The following MS4A5 variants were observed in gnomAD, a reference collection of about 807,000 sequenced individuals.
MS4A5 encodes the protein membrane-spanning 4-domains subfamily A member 5.
Under a neutral mutation model 18.2 loss-of-function variants are expected in MS4A5, and 15 were observed. The observed-to-expected ratio is 0.83, with a 90% CI of 0.55 to 1.27. The LOEUF (loss-of-function observed/expected upper bound fraction) is 1.27. MS4A5 is among the 50% of genes most tolerant of loss of function. The pLI, the probability that MS4A5 is intolerant of heterozygous loss-of-function variation, is 0.00. For missense variants in MS4A5, 232 were observed against 225.7 expected, an observed-to-expected ratio of 1.03 and a Z score of -0.18; for synonymous variants, 89 against 78.7, an observed-to-expected ratio of 1.13 and a Z score of -0.69.
intron 4 of MS4A5, chr11:60,435,317 G>C: frequency 2.7e-6 from 1 of 376,540 alleles, no homozygotes; most frequent in Non-Finnish European, 5.0e-6. Context: ...AATAGAAACA[G>C]AACATAGCAA....
chr11:60,447,272 ATC>A, intron 4 of MS4A5, among the ~76,000 whole-genome samples: 1 of 150,692 alleles, frequency 6.6e-6, no homozygotes, highest in African/African-American at 2.5e-5. Flanking sequence ...ATCCTATGGT[ATC>A]CTATGCTATG....
At chr11:60,429,981 G>A (rs1407307163) in intron 1 of MS4A5, among the ~76,000 whole-genome samples, 154 bp downstream of exon 1, 1 of 152,122 alleles carries the variant, frequency 6.6e-6, no homozygotes, top group Non-Finnish European at 1.5e-5. Context: ...GAGAGAGGAT[G>A]TTTGAGAAGA....
chr11:60,429,900 T>C (rs2086039350), intron 1 of MS4A5, 73 bp downstream of exon 1: 13 of 1,416,120 alleles, frequency 9.2e-6, no homozygotes, highest in South Asian at 1.3e-5. Flanking sequence ...TGTTGGCACA[T>C]GTTTGAAGGT....
At position 60,438,199 on chromosome 11, in the gene MS4A5, G is replaced by A. The variant is rs949884324; in HGVS notation, c.492+4282G>A. Reference sequence around the variant, plus strand: ...CTGGGTACATAATGAAATGAAGGCAGAAATAAAGATGTTCTTTGAAACCAA... The same window carrying A: ...CTGGGTACATAATGAAATGAAGGCAAAAATAAAGATGTTCTTTGAAACCAA... On this transcript the variant is annotated intron_variant, in intron 4 of 4. Transcript: ENST00000300190. Among the ~76,000 whole-genome samples the A allele has an allele frequency of 4.6e-5, 7 of 152,096 alleles. No homozygotes were observed. The East Asian group carries it at 1.3e-3, about 29-fold the overall frequency.
At chr11:60,440,030 A>T (rs2086101964) in intron 4 of MS4A5, among the ~76,000 whole-genome samples, 1 of 145,722 alleles carries the variant, frequency 6.9e-6, no homozygotes, top group East Asian at 2.0e-4. Context: ...AAACTATACT[A>T]CAAGGCTACA....
In MS4A5 at chr11:60,429,627, T is replaced by C. The variant is rs2086037344; in HGVS notation, c.-48T>C. The C allele has an allele frequency of 1.9e-6, 3 of 1,570,350 alleles. No individual in the cohort carries two copies. The highest frequency in any genetic ancestry group is 1.7e-6 in the Non-Finnish European group (2 of 1,159,884). On this transcript the variant is annotated 5_prime_UTR_variant, in exon 1 of 5. Transcript: ENST00000300190. ...CACAAGAAAAGAACATGGTCTAGAC[T>C]GAAGTACCAACTAAATCATCTCCTT...
chr11:60,446,187 T>A (rs1590836600), intron 4 of MS4A5, among the ~76,000 whole-genome samples: 2 of 152,288 alleles, frequency 1.3e-5, no homozygotes, highest in East Asian at 3.9e-4. Flanking sequence ...TAAGTGGCCA[T>A]TAAAAACCAT....
At chr11:60,434,877 T>A (rs1451253960) in intron 4 of MS4A5, among the ~76,000 whole-genome samples, 1 of 152,200 alleles carries the variant, frequency 6.6e-6, no homozygotes, top group Non-Finnish European at 1.5e-5. Context: ...CCACTCAAAG[T>A]ATAAAGACTT....
At chr11:60,435,244 G>A (rs1242823979) in intron 4 of MS4A5, among the ~76,000 whole-genome samples, 1 of 151,038 alleles carries the variant, frequency 6.6e-6, no homozygotes, top group East Asian at 1.9e-4. Flanking sequence ...ATTTTCCATT[G>A]AAAATTAACA....
chr11:60,445,403 G>C (rs1029601487), intron 4 of MS4A5, among the ~76,000 whole-genome samples: 1 of 151,912 alleles, frequency 6.6e-6, no homozygotes, highest in Non-Finnish European at 1.5e-5. Context: ...GAGATTACAG[G>C]CTCATGCTGC....
intron 4 of MS4A5, among the ~76,000 whole-genome samples, chr11:60,437,918 C>T (rs1315539914): frequency 2.0e-5 from 3 of 151,966 alleles, no homozygotes; most frequent in Admixed American, 2.0e-4. Context: ...CTGCACCAAG[C>T]AGACCTAATA....
intron 4 of MS4A5, among the ~76,000 whole-genome samples, chr11:60,435,929 G>C (rs1364458280): frequency 3.9e-5 from 6 of 152,236 alleles, no homozygotes; most frequent in Admixed American, 6.5e-5. Flanking sequence ...TGGATCCCAC[G>C]ACAGCTCAAG....
chr11:60,431,364 A>C lies in MS4A5; in HGVS notation c.282+440A>C, dbSNP rs576756629. Among the ~76,000 whole-genome samples, 4 of 152,306 alleles carry C rather than the reference A, an allele frequency of 2.6e-5. No homozygotes were observed. The East Asian group carries it at 5.8e-4, about 22-fold the overall frequency. On this transcript the variant is annotated intron_variant, in intron 2 of 4. Coordinates refer to ENST00000300190, the MANE Select transcript of MS4A5 (RefSeq NM_023945.3). ...AGCAATTTATTCTTTACAGAAGTGA[A>C]GTGGGAAGGGTTTCTCAGATATACC...
At chr11:60,435,566 G>A in intron 4 of MS4A5, 1 of 365,158 alleles carries the variant, frequency 2.7e-6, no homozygotes, top group Non-Finnish European at 5.3e-6. Flanking sequence ...GCAGGTCAGT[G>A]GGTGCGTGCA....
chr11:60,445,901 T>C (rs1370807260), intron 4 of MS4A5, among the ~76,000 whole-genome samples: 1 of 152,212 alleles, frequency 6.6e-6, no homozygotes, highest in Non-Finnish European at 1.5e-5. Flanking sequence ...AATGTTCTTG[T>C]ATATCAGGAC....
At chr11:60,445,532 T>A (rs117265279) in intron 4 of MS4A5, among the ~76,000 whole-genome samples, 10,392 of 152,250 alleles carry the variant, frequency 0.068, 484 homozygotes, top group Middle Eastern at 0.17. Flanking sequence ...AGTGCTAGGA[T>A]TACAGGCATG....
chr11:60,437,913 C>A (rs577614081), intron 4 of MS4A5, among the ~76,000 whole-genome samples: 3,105 of 151,820 alleles, frequency 0.02, 40 homozygotes, highest in Non-Finnish European at 0.029. Flanking sequence ...CAGCTCTGCA[C>A]CAAGCAGACC....
intron 4 of MS4A5, among the ~76,000 whole-genome samples, chr11:60,445,335 C>A (rs1054151511): frequency 2.6e-5 from 4 of 151,986 alleles, no homozygotes; most frequent in Non-Finnish European, 5.9e-5. Context: ...TCTCGGCTTA[C>A]TGCAACCTCC....
Position 60,429,845 on chromosome 11 carries a change from C to G in MS4A5, c.153+18C>G. 1.2e-6 allele frequency: 2 copies of G among 1,607,944 alleles called. No homozygotes were observed. The highest frequency in any genetic ancestry group is 8.5e-7 in the Non-Finnish European group (1 of 1,177,948). Reference sequence around the variant, plus strand: ...TCTTAGGGGTAAGTAAGACTTGCCCCTATGTATATTTTACTGAGGCAGGGG... The same window carrying G: ...TCTTAGGGGTAAGTAAGACTTGCCCGTATGTATATTTTACTGAGGCAGGGG... On this transcript the variant is annotated intron_variant, in intron 1 of 4. Coordinates refer to ENST00000300190, the MANE Select transcript of MS4A5 (RefSeq NM_023945.3).
Sources: gnomAD v4.1 joint callset for allele counts (sites outside exome capture counted in the v4.1 genomes callset) on GRCh38, gnomAD v4.1.1 for gene constraint, MANE v1.5 for transcripts, NCBI Gene and HGNC (gene_info 2026-07-23, HGNC 2026-07-21) for gene names.